IFT88: variants seen among roughly 807,000 people sequenced by gnomAD.
The protein encoded by IFT88 is intraflagellar transport 88.
Under a neutral mutation model 119.5 loss-of-function variants are expected in IFT88, and 74 were observed. That is an observed-to-expected ratio of 0.62 (90% confidence interval 0.51 to 0.75). IFT88 has a LOEUF of 0.75. IFT88 is among the 30% of genes least tolerant of loss of function. IFT88 has a pLI of 0.00. For synonymous variants in IFT88, 279 were observed against 316.7 expected (o/e 0.88, Z 1.26); for missense variants, 961 against 977.7 (o/e 0.98, Z 0.23).
At chr13:20,661,518 G>A (rs774698676) in intron 22 of IFT88, among the ~76,000 whole-genome samples, 27 of 152,122 alleles carry the variant, frequency 1.8e-4, no homozygotes, top group East Asian at 7.7e-4. Context: ...GGCGAATCAC[G>A]AGCCAGGAGT....
chr13:20,661,265 G>T (rs928234456), intron 22 of IFT88, among the ~76,000 whole-genome samples: 2 of 152,156 alleles, frequency 1.3e-5, no homozygotes, highest in African/African-American at 4.8e-5. Flanking sequence ...TGAAGGGTAC[G>T]GAGGGTTTTA....
intron 19 of IFT88, 22 bp downstream of exon 19, chr13:20,643,627 CCTT>C: frequency 6.5e-7 from 1 of 1,539,746 alleles, no homozygotes; most frequent in Non-Finnish European, 8.8e-7. Flanking sequence ...ATCTTAATTT[CCTT>C]CTGTGTTTTA....
intron 23 of IFT88, 37 bp downstream of exon 23, chr13:20,663,641 T>A (rs1343622537): frequency 7.1e-7 from 1 of 1,410,292 alleles, no homozygotes; most frequent in African/African-American, 1.4e-5. Context: ...GTCTGTTAAT[T>A]TTTAGAATGT....
At chr13:20,669,980 A>G (rs958472954) in intron 23 of IFT88, among the ~76,000 whole-genome samples, 1 of 152,224 alleles carries the variant, frequency 6.6e-6, no homozygotes, top group Non-Finnish European at 1.5e-5. Context: ...AGAGTATTTC[A>G]TCTTACAGAA....
intron 2 of IFT88, among the ~76,000 whole-genome samples, chr13:20,576,728 C>A (rs2037457208): frequency 6.6e-6 from 1 of 152,104 alleles, no homozygotes. Flanking sequence ...ATTAGTCTGT[C>A]TGTTTTTATG....
rs865889353 is a variant in IFT88 at position 20,641,342 on chromosome 13, G to A, written c.1626G>A (p.Leu542=). The A allele has an allele frequency of 2.5e-6, 4 of 1,612,644 alleles. No homozygotes were observed. Among genetic ancestry groups the A allele is most frequent in the African/African-American group, 1.3e-5 (1 of 74,916 alleles). ...TAGATGAGGCTTTGGACTGTTTCCTGAAACTTCACGCAATCCTACGAAACA... is the reference window on the plus strand; with the variant it reads ...TAGATGAGGCTTTGGACTGTTTCCTAAAACTTCACGCAATCCTACGAAACA... The part of the protein sequence containing the change: ...NRLDEALDCF[L]KLHAILRNSA... Residue 542 remains leucine (L), a synonymous_variant, in exon 18 of 26, where the codon CTG becomes CTA. Coordinates refer to ENST00000351808, the MANE Select transcript of IFT88 (RefSeq NM_006531.5).
chr13:20,678,897 T>G (rs577353127), intron 24 of IFT88, among the ~76,000 whole-genome samples: 29 of 152,234 alleles, frequency 1.9e-4, no homozygotes, highest in African/African-American at 6.7e-4. Context: ...AAAAGCACAA[T>G]CATCATTGAA....
chr13:20,601,365 G>GA (rs60858876), intron 11 of IFT88, among the ~76,000 whole-genome samples: 95 of 143,412 alleles, frequency 6.6e-4, no homozygotes, highest in Admixed American at 9.7e-4. Flanking sequence ...GACCCTGTCT[G>GA]AAAAAAAAAA....
At chr13:20,624,999 CG>C (rs2047087536) in intron 14 of IFT88, among the ~76,000 whole-genome samples, 1 of 152,126 alleles carries the variant, frequency 6.6e-6, no homozygotes, top group African/African-American at 2.4e-5. Flanking sequence ...CTTATTCCTT[CG>C]TCTAACTGAA....
chr13:20,653,264 C>A (rs921133063), intron 20 of IFT88, among the ~76,000 whole-genome samples: 1 of 152,176 alleles, frequency 6.6e-6, no homozygotes, highest in Non-Finnish European at 1.5e-5. Context: ...TTGAAGCCAT[C>A]AGGCTTCTAC....
At chr13:20,661,511 G>A (rs1374079820) in intron 22 of IFT88, among the ~76,000 whole-genome samples, 1 of 152,138 alleles carries the variant, frequency 6.6e-6, no homozygotes, top group Non-Finnish European at 1.5e-5. Context: ...CAAGACGGGC[G>A]AATCACGAGC....
At chr13:20,620,177 T>C (rs1306350933) in intron 14 of IFT88, among the ~76,000 whole-genome samples, 1 of 152,198 alleles carries the variant, frequency 6.6e-6, no homozygotes, top group African/African-American at 2.4e-5. Flanking sequence ...TTTTTGTGTG[T>C]AGTGTGAAGT....
At chr13:20,568,299 A>G (rs2137671752) in intron 1 of IFT88, among the ~76,000 whole-genome samples, 1 of 152,328 alleles carries the variant, frequency 6.6e-6, no homozygotes, top group East Asian at 1.9e-4. Context: ...AATTGCCTGG[A>G]GAATCCAGAA....
At chr13:20,587,550 G>A (rs1315792093) in intron 3 of IFT88, among the ~76,000 whole-genome samples, 7 of 152,144 alleles carry the variant, frequency 4.6e-5, no homozygotes, top group Admixed American at 2.6e-4. Flanking sequence ...GAGCCACTGC[G>A]TCTGGCCTAC....
intron 14 of IFT88, among the ~76,000 whole-genome samples, chr13:20,620,190 G>A (rs904915258): frequency 6.6e-6 from 1 of 152,072 alleles, no homozygotes; most frequent in African/African-American, 2.4e-5. Context: ...TGTGAAGTAA[G>A]GTCAAGATTT....
At chr13:20,612,682 A>T (rs922848575) in intron 13 of IFT88, among the ~76,000 whole-genome samples, 1 of 152,190 alleles carries the variant, frequency 6.6e-6, no homozygotes, top group Admixed American at 6.5e-5. Flanking sequence ...TGGCCCAAAC[A>T]GTGTTGAAAA....
chr13:20,663,567 T>C lies in IFT88; in HGVS notation c.2138T>C (p.Leu713Pro). 6.2e-7 allele frequency: 1 copy of C among 1,613,822 alleles called. No individual in the cohort carries two copies. The highest frequency in any genetic ancestry group is 8.5e-7 in the Non-Finnish European group (1 of 1,179,900). Reference sequence around the variant, plus strand: ...GATGCTCAAGAATATGCCAGAAAACTGAAGAGGTTGGAAAAAATGAAAGAA... The same window carrying C: ...GATGCTCAAGAATATGCCAGAAAACCGAAGAGGTTGGAAAAAATGAAAGAA... ...LKDAQEYARK[L>P]KRLEKMKEIR... The change falls in exon 23 of 26, where the codon CTG becomes CCG. Residue 713 changes from leucine to proline, a missense_variant. By Grantham distance (98) the Leu-to-Pro change is moderately conservative. Coordinates refer to ENST00000351808, the MANE Select transcript of IFT88 (RefSeq NM_006531.5).
intron 1 of IFT88, among the ~76,000 whole-genome samples, chr13:20,569,903 G>A (rs1169695522): frequency 1.3e-5 from 2 of 151,780 alleles, no homozygotes; most frequent in Non-Finnish European, 2.9e-5. Context: ...AAATTAGCCG[G>A]GCTTGGTGGC....
intron 9 of IFT88, among the ~76,000 whole-genome samples, chr13:20,597,515 C>T (rs553474403): frequency 1.7e-3 from 251 of 152,058 alleles, no homozygotes; most frequent in African/African-American, 5.3e-3. Flanking sequence ...GAGGCCGAGG[C>T]GGGCAGATCA....
Sources: allele counts gnomAD v4.1 joint callset (sites outside exome capture counted in the v4.1 genomes callset), GRCh38; gene constraint gnomAD v4.1.1; transcripts MANE v1.5; gene names NCBI Gene and HGNC (gene_info 2026-07-23, HGNC 2026-07-21).